HELB: variants seen among roughly 807,000 people sequenced by gnomAD.
HELB encodes the protein DNA helicase B.
In HELB, 96 loss-of-function variants were observed where a neutral mutation model predicts 101.7. The ratio of observed to expected loss-of-function variants is 0.94; its 90% CI spans 0.80 to 1.12. The LOEUF is 1.12. HELB is among the 50% of genes most tolerant of loss of function. HELB has a pLI of 0.00. For synonymous variants in HELB, 437 were observed against 459.7 expected (o/e 0.95, Z 0.63); for missense variants, 1,210 against 1,291.9 (o/e 0.94, Z 0.97).
At chr12:66,310,931 A>G (rs375686074) in intron 4 of HELB, among the ~76,000 whole-genome samples, 1 of 152,142 alleles carries the variant, frequency 6.6e-6, no homozygotes, top group Non-Finnish European at 1.5e-5. Context: ...CTCCATCTCA[A>G]AAAGCAAACG....
chr12:66,302,985 GTTTTTTTTTTT>G (rs551432227), intron 1 of HELB, among the ~76,000 whole-genome samples, 195 bp downstream of exon 1: 5 of 136,624 alleles, frequency 3.7e-5, no homozygotes, highest in Non-Finnish European at 8.0e-5. Context: ...ATACTATGTG[GTTTTTTTTTTT>G]TTTTCTTTTT....
intron 7 of HELB, 53 bp downstream of exon 7, chr12:66,318,845 G>A (rs2053639621): frequency 7.3e-7 from 1 of 1,378,008 alleles, no homozygotes; most frequent in African/African-American, 1.5e-5. Flanking sequence ...TTTAAGTTTT[G>A]TAACATAGTT....
At chr12:66,309,583 A>G (rs1027081011) in intron 3 of HELB, 123 bp from the exon 4 acceptor site, 4 of 560,462 alleles carry the variant, frequency 7.1e-6, no homozygotes, top group East Asian at 2.9e-5. Flanking sequence ...GTGATGTTCT[A>G]TGGTATTTTC....
At chr12:66,318,191 G>A (rs1017181471) in intron 6 of HELB, among the ~76,000 whole-genome samples, 23 of 152,120 alleles carry the variant, frequency 1.5e-4, no homozygotes, top group South Asian at 2.1e-4. Flanking sequence ...AGTCAAATGC[G>A]CCTATTTGCC....
At chr12:66,311,515 A>G (rs575558011) in intron 4 of HELB, among the ~76,000 whole-genome samples, 2 of 152,162 alleles carry the variant, frequency 1.3e-5, no homozygotes, top group Non-Finnish European at 2.9e-5. Flanking sequence ...TGATATAGTT[A>G]GTTTAGATCC....
In HELB at chr12:66,309,204, C is replaced by T. The variant is rs568748238; in HGVS notation, c.778-502C>T. Among the ~76,000 whole-genome samples, 55 of 152,194 alleles carry T rather than the reference C, an allele frequency of 3.6e-4. 1 individual carries two copies. Among genetic ancestry groups the T allele is most frequent in the African/African-American group, 1.3e-3 (53 of 41,528 alleles). On this transcript the variant is annotated intron_variant, in intron 3 of 12. Transcript: ENST00000247815. ...CCAAAATTGAACAAAATGTATACTA[C>T]AACATTTTTCAAATATAGAAACCAA... is the stretch of plus-strand genomic sequence containing the variant.
intron 11 of HELB, among the ~76,000 whole-genome samples, chr12:66,328,516 G>T (rs1413895409): frequency 6.6e-6 from 1 of 152,102 alleles, no homozygotes; most frequent in African/African-American, 2.4e-5. Context: ...TGAGCTCCTA[G>T]CCCGGGTGAC....
chr12:66,326,750 G>T (rs964564741), intron 11 of HELB, among the ~76,000 whole-genome samples: 3 of 150,620 alleles, frequency 2.0e-5, no homozygotes, highest in African/African-American at 7.3e-5. Flanking sequence ...GGTAAAAAAG[G>T]GTCTGGTGTG....
Position 66,302,658 on chromosome 12 carries a change from A to C in HELB, c.55A>C (p.Arg19=). The change falls in exon 1 of 13, where the codon AGG becomes CGG. Residue 19 remains arginine (R), a synonymous_variant. Transcript: ENST00000247815. ...RQLQGPLLPP[R]DLVEEDDDYL... Reference sequence around the variant, plus strand: ...ACTTCAGGGACCTCTGCTCCCACCCAGGGATCTGGTGGAGGAGGACGACGA... The same window carrying C: ...ACTTCAGGGACCTCTGCTCCCACCCCGGGATCTGGTGGAGGAGGACGACGA... 6.2e-7 allele frequency: 1 copy of C among 1,614,080 alleles called. No individual in the cohort carries two copies. The highest frequency in any genetic ancestry group is 1.7e-5 in the Admixed American group (1 of 60,018).
rs2053654319 is a variant in HELB, at chr12:66,320,144, G to C, written c.2155+1352G>C. Among the ~76,000 whole-genome samples the C allele has an allele frequency of 2.6e-5, 4 of 151,974 alleles. No homozygotes were observed. The South Asian group carries it at 6.2e-4, about 24-fold the overall frequency. The stretch of plus-strand genomic sequence containing the variant: ...TTACCAGTGACTGATTAAATTTGTT[G>C]CAAGATTGCTTTAGATTGTGGGGGC... On this transcript the variant is annotated intron_variant, in intron 7 of 12. Transcript: ENST00000247815.
At chr12:66,305,539 C>T (rs1043129488) in intron 2 of HELB, among the ~76,000 whole-genome samples, 4 of 151,770 alleles carry the variant, frequency 2.6e-5, no homozygotes, top group Non-Finnish European at 5.9e-5. Context: ...CGCAGGAGAT[C>T]GAGACTAGCC....
At chr12:66,318,305 A>G (rs2053632782) in intron 6 of HELB, among the ~76,000 whole-genome samples, 1 of 152,112 alleles carries the variant, frequency 6.6e-6, no homozygotes, top group Admixed American at 6.5e-5. Context: ...CCTTCCTTGC[A>G]TGGTTCTTTT....
At chr12:66,335,236 C>T (rs2053854039) in intron 12 of HELB, among the ~76,000 whole-genome samples, 1 of 152,126 alleles carries the variant, frequency 6.6e-6, no homozygotes, top group African/African-American at 2.4e-5. Flanking sequence ...AGGAAAGGCC[C>T]ACTTGGGAAT....
intron 8 of HELB, 24 bp from the exon 9 acceptor site, chr12:66,322,700 C>T: frequency 6.4e-7 from 1 of 1,568,828 alleles, no homozygotes; most frequent in Non-Finnish European, 8.8e-7. Flanking sequence ...ATTAAGGTGA[C>T]CCCTGCATTT....
At chr12:66,316,567 AAATAATAATAAT>A (rs59495617) in intron 6 of HELB, among the ~76,000 whole-genome samples, 2,898 of 145,078 alleles carry the variant, frequency 0.02, 57 homozygotes, top group Admixed American at 0.029. Context: ...TGATAAGCTA[AAATAATAATAAT>A]AATAATAATA....
chr12:66,325,464 A>C (rs1182200977), intron 11 of HELB, among the ~76,000 whole-genome samples: 2 of 152,232 alleles, frequency 1.3e-5, no homozygotes, highest in Non-Finnish European at 2.9e-5. Flanking sequence ...TTTGTGCCTT[A>C]ATTTTGATTT....
intron 11 of HELB, among the ~76,000 whole-genome samples, chr12:66,327,343 T>A (rs1312053006): frequency 1.3e-5 from 2 of 152,026 alleles, no homozygotes; most frequent in Non-Finnish European, 2.9e-5. Flanking sequence ...TTTCTCAGTT[T>A]CCTCTGTTCT....
At chr12:66,318,198 TGC>T (rs1365188426) in intron 6 of HELB, among the ~76,000 whole-genome samples, 1 of 152,208 alleles carries the variant, frequency 6.6e-6, no homozygotes, top group Non-Finnish European at 1.5e-5. Context: ...TGCGCCTATT[TGC>T]CTCCCAATTC....
intron 6 of HELB, among the ~76,000 whole-genome samples, chr12:66,318,094 T>C (rs1375789054): frequency 6.6e-6 from 1 of 152,114 alleles, no homozygotes; most frequent in Non-Finnish European, 1.5e-5. Context: ...ATGTAGAATA[T>C]ACAGAGAAGA....
Sources: allele counts gnomAD v4.1 joint callset (sites outside exome capture counted in the v4.1 genomes callset), GRCh38; gene constraint gnomAD v4.1.1; transcripts MANE v1.5; gene names NCBI Gene and HGNC (gene_info 2026-07-23, HGNC 2026-07-21).